The following BTBD9 variants were observed in gnomAD, a reference collection of about 807,000 sequenced individuals.
BTBD9 encodes the protein BTB domain containing 9, also known as BTB/POZ domain-containing protein 9.
BTBD9 carries 49 observed loss-of-function variants against 64.3 expected under a neutral mutation model. The ratio of observed to expected loss-of-function variants is 0.76; its 90% CI spans 0.61 to 0.97. The LOEUF is 0.97. Ranked by LOEUF, BTBD9 falls within the 50% of genes least tolerant of loss-of-function variation. The pLI, the probability that BTBD9 is intolerant of heterozygous loss-of-function variation, is 0.00. For missense variants in BTBD9, 598 were observed against 762.1 expected (o/e 0.78, Z 2.53); for synonymous variants, 260 against 274.7 (o/e 0.95, Z 0.53).
chr6:38,554,344 A>G (rs1054026658), intron 6 of BTBD9, among the ~76,000 whole-genome samples: 7 of 152,178 alleles, frequency 4.6e-5, no homozygotes, highest in African/African-American at 1.7e-4. Context: ...GACTAATTCA[A>G]CCCCTCTCAG....
rs563399987 is a variant in BTBD9 at position 38,507,719 on chromosome 6, T to C, written c.1154+69881A>G. ...CCCCCTCTTCTCTTTTCCTGAAACG[T>C]TAGTGCTTCTAAGGATTCCATCCTA... On this transcript the variant is annotated intron_variant, in intron 6 of 10. Transcript: ENST00000481247. Among the ~76,000 whole-genome samples the C allele has an allele frequency of 5.3e-5, 8 of 152,304 alleles. No homozygotes were observed. The East Asian group carries it at 1.5e-3, about 29-fold the overall frequency.
At chr6:38,537,948 C>T (rs562020457) in intron 6 of BTBD9, among the ~76,000 whole-genome samples, 3 of 152,134 alleles carry the variant, frequency 2.0e-5, no homozygotes, top group Admixed American at 6.5e-5. Context: ...ATGGCAGAGC[C>T]CCCTTGCCAG....
intron 1 of BTBD9, among the ~76,000 whole-genome samples, chr6:38,599,761 T>C (rs1373702138): frequency 6.6e-6 from 1 of 152,200 alleles, no homozygotes; most frequent in Non-Finnish European, 1.5e-5. Flanking sequence ...CAATGGAAGA[T>C]CTTCATGGAC....
chr6:38,274,432 G>A (rs1198560029), intron 8 of BTBD9, among the ~76,000 whole-genome samples: 2 of 152,034 alleles, frequency 1.3e-5, no homozygotes, highest in East Asian at 1.9e-4. Context: ...TAGGAGTGGT[G>A]AGAGAGGGCA....
chr6:38,228,348 C>A (rs922640624), intron 9 of BTBD9, among the ~76,000 whole-genome samples: 1 of 70,366 alleles, frequency 1.4e-5, no homozygotes, highest in Non-Finnish European at 3.3e-5. Flanking sequence ...CTGTCCCCCC[C>A]CCCAAAAAAA....
intron 9 of BTBD9, among the ~76,000 whole-genome samples, chr6:38,233,683 A>C (rs1763687282): frequency 6.6e-6 from 1 of 152,032 alleles, no homozygotes; most frequent in Non-Finnish European, 1.5e-5. Context: ...CAAATGACAG[A>C]AGAACACAAT....
intron 6 of BTBD9, among the ~76,000 whole-genome samples, chr6:38,525,628 A>C (rs1056745813): frequency 1.3e-5 from 2 of 152,224 alleles, no homozygotes. Flanking sequence ...ATGGACAATA[A>C]AGTACAGGCT....
chr6:38,183,097 A>G (rs923095181), intron 10 of BTBD9, among the ~76,000 whole-genome samples: 2 of 151,334 alleles, frequency 1.3e-5, no homozygotes, highest in Admixed American at 1.3e-4. Context: ...CTCCTGCCTC[A>G]GCCTCCTGAG....
chr6:38,533,412 A>T (rs79600279), intron 6 of BTBD9, among the ~76,000 whole-genome samples: 6 of 152,230 alleles, frequency 3.9e-5, no homozygotes, highest in African/African-American at 1.4e-4. Flanking sequence ...AGATATATAA[A>T]GCAAATATTA....
intron 7 of BTBD9, among the ~76,000 whole-genome samples, chr6:38,334,613 AAC>A (rs1763813897): frequency 2.1e-5 from 3 of 146,306 alleles, no homozygotes; most frequent in Non-Finnish European, 4.4e-5. Flanking sequence ...AACATAACAT[AAC>A]ATAACATAAC....
At chr6:38,338,057 T>C (rs1763961873) in intron 7 of BTBD9, among the ~76,000 whole-genome samples, 1 of 152,184 alleles carries the variant, frequency 6.6e-6, no homozygotes. Context: ...ACAGAGTTCT[T>C]GTGCTTCTGC....
chr6:38,309,155 A>C (rs1249340996), intron 7 of BTBD9, among the ~76,000 whole-genome samples: 1 of 151,430 alleles, frequency 6.6e-6, no homozygotes, highest in Non-Finnish European at 1.5e-5. Flanking sequence ...GGATCACCTG[A>C]GGTCAGGAGT....
rs34641170 is a variant in BTBD9, at chr6:38,238,470, G to GTTTTTTTTTTTT, written c.1562+17938_1562+17939insAAAAAAAAAAAA. Among the ~76,000 whole-genome samples, 2 of 127,990 alleles carry GTTTTTTTTTTTT rather than the reference G, an allele frequency of 1.6e-5. 1 individual carries two copies. The allele number at this position is 127,990 out of a possible 152,430, so 84.0% of individuals were successfully genotyped here. ...ACAGTAAGCTGTTGCGGAGACCAAG[G>GTTTTTTTTTTTT]TTTTTTGTTTTTTTTTTTTTGAGAC... On this transcript the variant is annotated intron_variant, in intron 9 of 10. Transcript: ENST00000481247.
chr6:38,287,692 A>G (rs1392551727), intron 8 of BTBD9, among the ~76,000 whole-genome samples: 2 of 152,204 alleles, frequency 1.3e-5, no homozygotes, highest in African/African-American at 2.4e-5. Flanking sequence ...ATTGGCTGAC[A>G]GTGCATTTCT....
intron 6 of BTBD9, among the ~76,000 whole-genome samples, chr6:38,393,851 T>C (rs959552628): frequency 3.3e-5 from 5 of 152,224 alleles, no homozygotes; most frequent in Non-Finnish European, 7.3e-5. Context: ...AAAATCTTCA[T>C]TCTATTAAGA....
chr6:38,498,437 T>C (rs1398510741), intron 6 of BTBD9, among the ~76,000 whole-genome samples: 1 of 140,742 alleles, frequency 7.1e-6, no homozygotes, highest in Non-Finnish European at 1.5e-5. Context: ...TGTATGGTTC[T>C]ATCTTTTTCT....
At chr6:38,501,994 C>G (rs1772223130) in intron 6 of BTBD9, among the ~76,000 whole-genome samples, 1 of 152,072 alleles carries the variant, frequency 6.6e-6, no homozygotes, top group African/African-American at 2.4e-5. Flanking sequence ...ATAAAGGGCT[C>G]CTGGGAACAA....
intron 9 of BTBD9, among the ~76,000 whole-genome samples, chr6:38,252,705 A>T (rs1764444562): frequency 6.6e-6 from 1 of 152,244 alleles, no homozygotes; most frequent in Non-Finnish European, 1.5e-5. Context: ...CTAGAAGAGG[A>T]TCTAATGAGT....
intron 6 of BTBD9, among the ~76,000 whole-genome samples, chr6:38,564,034 A>G (rs897813800): frequency 2.0e-5 from 3 of 151,936 alleles, no homozygotes; most frequent in South Asian, 2.1e-4. Context: ...CGCCCACCTC[A>G]GCCTCCCAAA....
Sources: allele counts gnomAD v4.1 joint callset (sites outside exome capture counted in the v4.1 genomes callset), GRCh38; gene constraint gnomAD v4.1.1; transcripts MANE v1.5; gene names NCBI Gene and HGNC (gene_info 2026-07-23, HGNC 2026-07-21).